Variants in NCBP3 observed in about 807,000 individuals in gnomAD.
The protein encoded by NCBP3 is nuclear cap binding subunit 3, also known as nuclear cap-binding protein subunit 3.
Under a neutral mutation model 75.7 loss-of-function variants are expected in NCBP3, and 20 were observed. The ratio of observed to expected loss-of-function variants is 0.26; its 90% CI spans 0.19 to 0.38. The LOEUF (loss-of-function observed/expected upper bound fraction) is 0.38. NCBP3 is among the 10% of genes least tolerant of loss of function. NCBP3 has a pLI of 1.00. For synonymous variants in NCBP3, 293 were observed against 290.5 expected (o/e 1.01, Z -0.09); for missense variants, 678 against 796.9 (o/e 0.85, Z 1.80).
At chr17:3,845,589 G>A (rs1489843902) in intron 1 of NCBP3, among the ~76,000 whole-genome samples, 2 of 152,206 alleles carry the variant, frequency 1.3e-5, no homozygotes, top group African/African-American at 4.8e-5. Flanking sequence ...GACAAAGAGC[G>A]AGTGCCATGT....
Position 3,818,628 on chromosome 17 carries a change from T to A in NCBP3, c.1001-56A>T, listed in dbSNP as rs1268779262. The A allele has an allele frequency of 8.5e-6, 13 of 1,537,662 alleles. No individual in the cohort carries two copies. The highest frequency in any genetic ancestry group is 1.1e-5 in the Non-Finnish European group (13 of 1,150,566). On this transcript the variant is annotated intron_variant, in intron 9 of 12. Transcript: ENST00000389005. This position sits in a 1 kb window ranked among gnomAD's most constrained non-coding sequence, Gnocchi z 4.7. The stretch of plus-strand genomic sequence containing the variant: ...AAAGCACTAAAATTAACAAGTATGA[T>A]TTTCTACTCTACATCGGTGACCTTT...
rs1182949499 is a variant in NCBP3, at chr17:3,804,057, C to CA, written c.*8986dup. On this transcript the variant is annotated 3_prime_UTR_variant, in exon 13 of 13. Coordinates refer to ENST00000389005, the MANE Select transcript of NCBP3 (RefSeq NM_001114118.3). The stretch of plus-strand genomic sequence containing the variant: ...ATGCCACTGCACTCCACTTGGGTGA[C>CA]AGAGCGAGACTCCGTCTCAGAAAAA... The CA allele has an allele frequency of 6.6e-6, 1 of 152,198 alleles. No homozygotes were observed. Among genetic ancestry groups the CA allele is most frequent in the Non-Finnish European group, 1.5e-5 (1 of 68,058 alleles). The allele number at this position is 152,198 out of a possible 1,614,324, so 9.4% of individuals were successfully genotyped here.
At chr17:3,814,183 CT>C in intron 12 of NCBP3, 138 bp downstream of exon 12, 1 of 887,172 alleles carries the variant, frequency 1.1e-6, no homozygotes, top group Non-Finnish European at 1.7e-6. Flanking sequence ...CTGACGATAA[CT>C]ATAATGGAAA....
At chr17:3,825,864 C>A in intron 5 of NCBP3, 21 bp from the exon 6 acceptor site, 1 of 1,516,150 alleles carries the variant, frequency 6.6e-7, no homozygotes, top group Non-Finnish European at 8.9e-7. Context: ...ATGTGAAGGA[C>A]AAGATGAAAC....
In NCBP3 at chr17:3,808,622, G is replaced by C. The variant is rs1396725494; in HGVS notation, c.*4422C>G. ...GCTAGTGAGATCAAGATACATTTAG[G>C]GAACTGGTGAGCAGAGGGCAGGGGA... On this transcript the variant is annotated 3_prime_UTR_variant, in exon 13 of 13. Coordinates refer to ENST00000389005, the MANE Select transcript of NCBP3 (RefSeq NM_001114118.3). 7.9e-5 allele frequency: 12 copies of C among 152,330 alleles called. No individual in the cohort carries two copies. The allele number at this position is 152,330 out of a possible 1,614,324, so 9.4% of individuals were successfully genotyped here.
intron 3 of NCBP3, 64 bp from the exon 4 acceptor site, chr17:3,829,432 A>G: frequency 6.6e-7 from 1 of 1,520,232 alleles, no homozygotes. Context: ...CATCCCATCC[A>G]CACTCCTTCC....
At chr17:3,824,678 G>C (rs1209464483) in intron 7 of NCBP3, 4 of 218,740 alleles carry the variant, frequency 1.8e-5, no homozygotes, top group Non-Finnish European at 2.7e-5. Context: ...ATGGTAACTG[G>C]CTGAAAATAT....
At chr17:3,826,011 A>C in intron 5 of NCBP3, 76 bp downstream of exon 5, 1 of 1,503,198 alleles carries the variant, frequency 6.7e-7, no homozygotes, top group Non-Finnish European at 8.9e-7. Context: ...GAGATGCTAT[A>C]TAGAGCTCTG....
Position 3,812,398 on chromosome 17 carries a change from T to A in NCBP3, c.*646A>T. ...AAAAATCCCACAGCACTGAACTTGA[T>A]CTTCACATCAAGCTGACAGCACGTA... On this transcript the variant is annotated 3_prime_UTR_variant, in exon 13 of 13. Transcript: ENST00000389005. 1.9e-6 allele frequency: 1 copy of A among 537,376 alleles called. No homozygotes were observed. Among genetic ancestry groups the A allele is most frequent in the Non-Finnish European group, 2.4e-6 (1 of 419,978 alleles). The allele number at this position is 537,376 out of a possible 1,614,324, so 33.3% of individuals were successfully genotyped here.
rs373070322 is a variant in NCBP3 at position 3,818,409 on chromosome 17, C to T, written c.1164G>A (p.Ala388=). 90 of 1,614,034 alleles carry T rather than the reference C, an allele frequency of 5.6e-5. No homozygotes were observed. Among genetic ancestry groups the T allele is most frequent in the East Asian group, 2.2e-4 (10 of 44,898 alleles). Residue 388 remains alanine (A), a synonymous_variant, in exon 10 of 13, where the codon GCG becomes GCA. Coordinates refer to ENST00000389005, the MANE Select transcript of NCBP3 (RefSeq NM_001114118.3). The surrounding 1 kb of genome is among the most constrained non-coding windows in gnomAD (Gnocchi z 4.7). ...PALKQPRERS[A]SRRSSASSSD... ...AGCTGCTGGCACTGGATCGTCTAGA[C>T]GCGCTCCGCTCCCGGGGCTGCTTGA...
intron 3 of NCBP3, among the ~76,000 whole-genome samples, chr17:3,835,505 T>C (rs2053958114): frequency 6.6e-6 from 1 of 152,278 alleles, no homozygotes. Context: ...AGCAAGCCTG[T>C]GCTTCCAGCA....
At chr17:3,833,288 A>G (rs773960107) in intron 3 of NCBP3, among the ~76,000 whole-genome samples, 3 of 151,922 alleles carry the variant, frequency 2.0e-5, no homozygotes, top group Non-Finnish European at 2.9e-5. Flanking sequence ...TAATTTTTTT[A>G]TTTTTTGCAG....
At chr17:3,816,072 C>A in intron 11 of NCBP3, 44 bp downstream of exon 11, 1 of 1,584,840 alleles carries the variant, frequency 6.3e-7, no homozygotes, top group Non-Finnish European at 8.6e-7. Flanking sequence ...AGTCTGCTTT[C>A]CGGAGCTCAG....
Position 3,826,186 on chromosome 17 carries a change from C to G in NCBP3, c.511G>C (p.Ala171Pro). ...CTCATATTGATAAGTGCTCGTGTGG[C>G]TGTCATTTCATCCAGCCAAACTACA... ...CNVVWLDEMT[A>P]TRALINMSSL... The change falls in exon 5 of 13, where the codon GCC (alanine) becomes CCC (proline). Residue 171 changes from alanine to proline, a missense_variant. Physicochemically the swap from Ala to Pro is conservative, Grantham distance 27. Coordinates refer to ENST00000389005, the MANE Select transcript of NCBP3 (RefSeq NM_001114118.3). 1 of 1,550,390 alleles carries G rather than the reference C, an allele frequency of 6.4e-7. No individual in the cohort carries two copies. Among genetic ancestry groups the G allele is most frequent in the Non-Finnish European group, 8.7e-7 (1 of 1,146,364 alleles).
At chr17:3,820,713 A>G (rs138858140) in intron 9 of NCBP3, among the ~76,000 whole-genome samples, 2 of 152,318 alleles carry the variant, frequency 1.3e-5, no homozygotes, top group Non-Finnish European at 2.9e-5. Context: ...TGGGTGGAAC[A>G]CAAGGTCAGG....
chr17:3,825,099 A>G (rs1342299140), intron 6 of NCBP3, 49 bp from the exon 7 acceptor site: 2 of 1,043,986 alleles, frequency 1.9e-6, no homozygotes, highest in South Asian at 1.5e-5. Context: ...TCCTTTTGAT[A>G]TTTCTTCAGT....
intron 9 of NCBP3, among the ~76,000 whole-genome samples, chr17:3,819,385 G>A (rs2053616943): frequency 6.6e-6 from 1 of 152,050 alleles, no homozygotes; most frequent in South Asian, 2.1e-4. Flanking sequence ...CTAATACCCT[G>A]TCTCTACTAA....
chr17:3,840,763 T>C (rs1374247920), intron 2 of NCBP3, among the ~76,000 whole-genome samples: 1 of 152,148 alleles, frequency 6.6e-6, no homozygotes, highest in African/African-American at 2.4e-5. Flanking sequence ...AGCAGTCCAC[T>C]CCCTAAAGCT....
Position 3,812,538 on chromosome 17 carries a change from G to A in NCBP3, c.*506C>T, listed in dbSNP as rs1303203707. ...CTCTGAGGTCAGGTCCGTGAGATTC[G>A]CCCCACACTAGGGTCCCGGAAGGGT... On this transcript the variant is annotated 3_prime_UTR_variant, in exon 13 of 13. Transcript: ENST00000389005. 2.2e-5 allele frequency: 22 copies of A among 999,896 alleles called. No homozygotes were observed. Among genetic ancestry groups the A allele is most frequent in the Non-Finnish European group, 2.6e-5 (22 of 838,430 alleles). The allele number at this position is 999,896 out of a possible 1,614,324, so 61.9% of individuals were successfully genotyped here.
Sources: allele counts gnomAD v4.1 joint callset (sites outside exome capture counted in the v4.1 genomes callset), GRCh38; gene constraint gnomAD v4.1.1; non-coding constraint Gnocchi (gnomAD v3.1); transcripts MANE v1.5; gene names NCBI Gene and HGNC (gene_info 2026-07-23, HGNC 2026-07-21).